Variants in CLSTN2 observed in about 807,000 individuals in gnomAD.
CLSTN2 encodes calsyntenin 2.
A neutral mutation model predicts 101.2 loss-of-function variants in CLSTN2; 48 were observed. That is an observed-to-expected ratio of 0.47 (90% CI 0.38 to 0.60). The LOEUF is 0.60. Ranked by LOEUF, CLSTN2 falls within the 20% of genes least tolerant of loss-of-function variation. CLSTN2 has a pLI of 0.00. For synonymous variants in CLSTN2, 481 were observed against 463.6 expected, an observed-to-expected ratio of 1.04 and a Z score of -0.48; for missense variants, 1,160 against 1,238.2, an observed-to-expected ratio of 0.94 and a Z score of 0.95.
At chr3:140,234,077 A>T (rs1191968888) in intron 2 of CLSTN2, among the ~76,000 whole-genome samples, 1 of 152,370 alleles carries the variant, frequency 6.6e-6, no homozygotes, top group South Asian at 2.1e-4. Context: ...AGCTTTGTTC[A>T]TGAGCATCTG....
At chr3:140,321,616 T>C (rs371057371) in intron 2 of CLSTN2, among the ~76,000 whole-genome samples, 2 of 152,148 alleles carry the variant, frequency 1.3e-5, no homozygotes, top group African/African-American at 4.8e-5. Flanking sequence ...GCAGTGAGGA[T>C]AAGGGCAGGG....
Position 140,479,452 on chromosome 3 carries a change from C to A in CLSTN2, c.1344+12721C>A, listed in dbSNP as rs377203757. 4.4e-4 allele frequency among the ~76,000 whole-genome samples: 67 copies of A among 152,310 alleles called. No homozygotes were observed. In the East Asian group the frequency reaches 0.012, roughly 27 times the overall value. On this transcript the variant is annotated intron_variant, in intron 8 of 16. Transcript: ENST00000458420. ...AATATCCAGTGTGCAATAAAAATCA[C>A]TGGACATGTGAGGAAACAGGAAAAT...
At chr3:140,094,944 G>A (rs561005882) in intron 1 of CLSTN2, among the ~76,000 whole-genome samples, 3 of 152,306 alleles carry the variant, frequency 2.0e-5, no homozygotes, top group African/African-American at 7.2e-5. Context: ...GTCATTGCTG[G>A]AACCAGCAGG....
chr3:140,212,230 T>G (rs917285683), intron 2 of CLSTN2, among the ~76,000 whole-genome samples: 7 of 152,224 alleles, frequency 4.6e-5, no homozygotes, highest in Non-Finnish European at 1.0e-4. Context: ...TTTATAATTT[T>G]TAACAAAGAT....
chr3:140,141,847 C>T (rs902004397), intron 1 of CLSTN2, among the ~76,000 whole-genome samples: 1 of 152,208 alleles, frequency 6.6e-6, no homozygotes, highest in African/African-American at 2.4e-5. Context: ...AAGCTCCCTG[C>T]CACAGAGGGC....
chr3:140,232,345 T>C (rs1214585688), intron 2 of CLSTN2, among the ~76,000 whole-genome samples: 2 of 152,156 alleles, frequency 1.3e-5, no homozygotes, highest in Non-Finnish European at 2.9e-5. Context: ...GAGCCATGCT[T>C]GACATTGAAT....
intron 8 of CLSTN2, among the ~76,000 whole-genome samples, chr3:140,523,596 A>C (rs995709066): frequency 2.6e-4 from 40 of 152,212 alleles, no homozygotes; most frequent in African/African-American, 9.4e-4. Context: ...TACTTAGCTC[A>C]ATTCACACAA....
At chr3:140,415,682 T>C (rs2088425050) in intron 4 of CLSTN2, among the ~76,000 whole-genome samples, 1 of 152,008 alleles carries the variant, frequency 6.6e-6, no homozygotes, top group Non-Finnish European at 1.5e-5. Flanking sequence ...ATGACTACTG[T>C]CAAAAAGTCC....
chr3:140,267,749 G>A (rs943754255), intron 2 of CLSTN2, among the ~76,000 whole-genome samples: 26 of 152,160 alleles, frequency 1.7e-4, no homozygotes, highest in African/African-American at 6.3e-4. Context: ...TGGCCTGAGG[G>A]AGAGCTGTGC....
At chr3:140,351,524 C>A (rs1046814989) in intron 2 of CLSTN2, among the ~76,000 whole-genome samples, 1 of 152,164 alleles carries the variant, frequency 6.6e-6, no homozygotes, top group Admixed American at 6.5e-5. Flanking sequence ...CTTCCTAGAG[C>A]AGAGGTCAGC....
chr3:140,288,457 C>G (rs970711000), intron 2 of CLSTN2, among the ~76,000 whole-genome samples: 1 of 152,128 alleles, frequency 6.6e-6, no homozygotes, highest in Non-Finnish European at 1.5e-5. Flanking sequence ...TCACTAAACA[C>G]CATTTCCCAG....
chr3:140,113,089 G>A (rs1456879508), intron 1 of CLSTN2, among the ~76,000 whole-genome samples: 1 of 152,048 alleles, frequency 6.6e-6, no homozygotes, highest in Non-Finnish European at 1.5e-5. Context: ...TTGGTTTTTT[G>A]AGCCAGTTGT....
At chr3:140,174,993 T>C (rs2010298276) in intron 1 of CLSTN2, among the ~76,000 whole-genome samples, 1 of 152,238 alleles carries the variant, frequency 6.6e-6, no homozygotes, top group South Asian at 2.1e-4. Context: ...TAGCTTCCTG[T>C]AGTTCCTTGG....
intron 2 of CLSTN2, among the ~76,000 whole-genome samples, chr3:140,196,349 A>G (rs1168527661): frequency 2.0e-5 from 3 of 152,184 alleles, no homozygotes; most frequent in Non-Finnish European, 4.4e-5. Flanking sequence ...TAAGGTGCAG[A>G]TGTAGGATTT....
intron 2 of CLSTN2, among the ~76,000 whole-genome samples, chr3:140,324,905 G>A (rs1039449711): frequency 8.5e-5 from 13 of 152,216 alleles, no homozygotes; most frequent in African/African-American, 3.1e-4. Flanking sequence ...AGAAATGTGG[G>A]TTAGGGGACT....
chr3:140,300,184 T>G (rs1011862489), intron 2 of CLSTN2, among the ~76,000 whole-genome samples: 9 of 152,202 alleles, frequency 5.9e-5, no homozygotes, highest in Non-Finnish European at 1.3e-4. Context: ...AATAAATAAC[T>G]CAAGGGATTT....
At chr3:140,167,443 C>T (rs959193535) in intron 1 of CLSTN2, among the ~76,000 whole-genome samples, 2 of 152,136 alleles carry the variant, frequency 1.3e-5, no homozygotes, top group Non-Finnish European at 2.9e-5. Context: ...TTCCATAGCA[C>T]TCTGCTCTTC....
chr3:140,055,797 G>A (rs2008085406), intron 1 of CLSTN2, among the ~76,000 whole-genome samples: 1 of 152,138 alleles, frequency 6.6e-6, no homozygotes, highest in South Asian at 2.1e-4. Context: ...TAGTTAATCA[G>A]TCTCCCAGTC....
chr3:140,117,879 G>A (rs1469856760), intron 1 of CLSTN2, among the ~76,000 whole-genome samples: 9 of 152,150 alleles, frequency 5.9e-5, no homozygotes, highest in Admixed American at 6.5e-5. Flanking sequence ...TCAGTCCTTC[G>A]TCTCTAGGTA....
Sources: gnomAD v4.1 joint callset for allele counts (sites outside exome capture counted in the v4.1 genomes callset) on GRCh38, gnomAD v4.1.1 for gene constraint, MANE v1.5 for transcripts, NCBI Gene and HGNC (gene_info 2026-07-23, HGNC 2026-07-21) for gene names.